SLC7A11: variants seen among roughly 807,000 people sequenced by gnomAD.
SLC7A11 encodes solute carrier family 7 member 11.
Under a neutral mutation model 54.5 loss-of-function variants are expected in SLC7A11, and 35 were observed. The observed-to-expected ratio is 0.64, with a 90% CI of 0.49 to 0.85. The LOEUF (loss-of-function observed/expected upper bound fraction) is 0.85, where lower values mean the gene tolerates loss of function less well. Among genes scored for constraint, SLC7A11 ranks in the 40% least tolerant of loss-of-function variants. The probability of loss-of-function intolerance (pLI) is 0.00; values close to 1 mark genes in which losing one functional copy is unlikely to be tolerated. For missense variants in SLC7A11, 583 were observed against 618.1 expected (o/e 0.94, Z 0.60); for synonymous variants, 230 against 225.2 (o/e 1.02, Z -0.19).
intron 6 of SLC7A11, among the ~76,000 whole-genome samples, chr4:138,202,687 G>A (rs552542385): frequency 2.0e-5 from 3 of 152,108 alleles, no homozygotes; most frequent in Non-Finnish European, 4.4e-5. Context: ...TAGAGTTGAA[G>A]GGAGACTCAG....
At position 138,171,981 on chromosome 4, in the gene SLC7A11, A is replaced by ACTT; in HGVS notation, c.1478_1480dup (p.Glu493dup). On this transcript the variant is annotated inframe_insertion, in exon 12 of 12. Coordinates refer to ENST00000280612, the MANE Select transcript of SLC7A11 (RefSeq NM_014331.4). Reference sequence around the variant, plus strand: ...TCATAACTTATCTTCTTCTGGTACAACTTCCAGTATTATTTGTAATGTTCT... The same window carrying ACTT: ...TCATAACTTATCTTCTTCTGGTACAACTTCTTCCAGTATTATTTGTAATGTTCT... 1 of 1,599,214 alleles carries ACTT rather than the reference A, an allele frequency of 6.3e-7. No homozygotes were observed. Among genetic ancestry groups the ACTT allele is most frequent in the South Asian group, 1.1e-5 (1 of 87,446 alleles).
chr4:138,206,280 C>G (rs1442331858), intron 6 of SLC7A11, among the ~76,000 whole-genome samples: 1 of 151,334 alleles, frequency 6.6e-6, no homozygotes, highest in Non-Finnish European at 1.5e-5. Context: ...CCCTCTCTCT[C>G]AGCTAAAGGG....
chr4:138,192,627 G>T (rs1029434048), intron 6 of SLC7A11, among the ~76,000 whole-genome samples: 1 of 151,838 alleles, frequency 6.6e-6, no homozygotes, highest in African/African-American at 2.4e-5. Flanking sequence ...ACTTAAAGTG[G>T]GTCCTCATTA....
chr4:138,177,466 CCTCTCTCT>C (rs375163048), intron 11 of SLC7A11: 1 of 146,206 alleles, frequency 6.8e-6, no homozygotes, highest in Non-Finnish European at 1.5e-5. Flanking sequence ...TCTCTCTTTC[CCTCTCTCT>C]CTCTCTCTCT....
At chr4:138,189,809 G>T (rs148168678) in intron 6 of SLC7A11, among the ~76,000 whole-genome samples, 2 of 151,988 alleles carry the variant, frequency 1.3e-5, no homozygotes, top group Non-Finnish European at 2.9e-5. Flanking sequence ...CATCATTTTC[G>T]CTAAAAGTGA....
At chr4:138,195,166 T>A (rs970436206) in intron 6 of SLC7A11, among the ~76,000 whole-genome samples, 36 of 152,178 alleles carry the variant, frequency 2.4e-4, no homozygotes, top group African/African-American at 8.0e-4. Flanking sequence ...GGATAAGTGA[T>A]CTGTTCACTC....
intron 6 of SLC7A11, among the ~76,000 whole-genome samples, chr4:138,203,159 TC>T (rs1737328067): frequency 6.6e-6 from 1 of 152,072 alleles, no homozygotes; most frequent in South Asian, 2.1e-4. Flanking sequence ...AAGGCATGCT[TC>T]CCTACATTTG....
rs1400378870 is a variant in SLC7A11, at chr4:138,183,265, A to C, written c.956T>G (p.Val319Gly). The C allele has an allele frequency of 6.2e-7, 1 of 1,612,136 alleles. No individual in the cohort carries two copies. Among genetic ancestry groups the C allele is most frequent in the East Asian group, 2.2e-5 (1 of 44,646 alleles). ...GCAGGAGAGGGCAACAAAGATCGGA[A>C]CTGCTAATGAGAAATTTCCCAGTAG... ...ERLLGNFSLAVPIFVALSCFG... is the reference protein window; with the variant it reads ...ERLLGNFSLAGPIFVALSCFG... Residue 319 changes from valine to glycine, a missense_variant, in exon 8 of 12, where the codon GTT becomes GGT. By Grantham distance (109) the Val-to-Gly change is moderately radical. Transcript: ENST00000280612.
At chr4:138,183,413 TTGTA>T (rs1454766430) in intron 7 of SLC7A11, 108 bp from the exon 8 acceptor site, 4 of 699,520 alleles carry the variant, frequency 5.7e-6, no homozygotes, top group African/African-American at 5.4e-5. Context: ...CTGGTGATAC[TTGTA>T]TGTTTTATAA....
At chr4:138,237,728 TATATA>T (rs1258073562) in intron 1 of SLC7A11, among the ~76,000 whole-genome samples, 8 of 11,494 alleles carry the variant, frequency 7.0e-4, no homozygotes, top group Admixed American at 1.4e-3. Context: ...TATATATATA[TATATA>T]TATATTTTTT....
intron 2 of SLC7A11, among the ~76,000 whole-genome samples, chr4:138,234,491 C>T (rs1186325853): frequency 1.3e-5 from 2 of 152,076 alleles, no homozygotes; most frequent in Non-Finnish European, 2.9e-5. Context: ...GATATATGAA[C>T]ATATTTTAAA....
chr4:138,202,718 C>A (rs756315079), intron 6 of SLC7A11, among the ~76,000 whole-genome samples: 4 of 152,078 alleles, frequency 2.6e-5, no homozygotes, highest in Non-Finnish European at 5.9e-5. Flanking sequence ...TCCACCATTT[C>A]TTTTTTGCAG....
rs187925265 is a variant in SLC7A11 at position 138,209,173 on chromosome 4, C to T, written c.791+5412G>A. ...ATTTTCACTAATCTAAATTAATTAT[C>T]ATCTTTCTATTAGGTCACAAATTTA... On this transcript the variant is annotated intron_variant, in intron 6 of 11. Transcript: ENST00000280612. 3.5e-3 allele frequency among the ~76,000 whole-genome samples: 534 copies of T among 151,970 alleles called. 4 individuals are homozygous for T. Among genetic ancestry groups the T allele is most frequent in the Admixed American group, 8.7e-3 (133 of 15,222 alleles).
chr4:138,198,448 G>A (rs1434357427), intron 6 of SLC7A11, among the ~76,000 whole-genome samples: 1 of 152,134 alleles, frequency 6.6e-6, no homozygotes, highest in Non-Finnish European at 1.5e-5. Flanking sequence ...TGCTAAAAAT[G>A]CTGGAAGTAT....
intron 6 of SLC7A11, among the ~76,000 whole-genome samples, chr4:138,186,452 T>A (rs1355191426): frequency 6.6e-6 from 1 of 152,154 alleles, no homozygotes; most frequent in Non-Finnish European, 1.5e-5. Context: ...GTTGAAAACA[T>A]GCTAGCCTAG....
At chr4:138,209,467 C>T (rs1054960363) in intron 6 of SLC7A11, among the ~76,000 whole-genome samples, 2 of 151,922 alleles carry the variant, frequency 1.3e-5, no homozygotes, top group South Asian at 4.1e-4. Context: ...CATAATTTTA[C>T]CATCTGTGTT....
Position 138,170,271 on chromosome 4 carries a change from T to TATATATACAC in SLC7A11, c.*1684_*1685insGTGTATATAT, listed in dbSNP as rs752680028. Reference sequence around the variant, plus strand: ...GTGTGTATATATATATATATATATATACACACACACACACACACACACATA... The same window carrying TATATATACAC: ...GTGTGTATATATATATATATATATATATATATACACACACACACACACACACACACACATA... On this transcript the variant is annotated 3_prime_UTR_variant, in exon 12 of 12. Coordinates refer to ENST00000280612, the MANE Select transcript of SLC7A11 (RefSeq NM_014331.4). The TATATATACAC allele has an allele frequency of 0.013, 1,130 of 86,050 alleles. 17 individuals carry two copies. The highest frequency in any genetic ancestry group is 0.016 in the Non-Finnish European group (723 of 44,190). The allele number at this position is 86,050 out of a possible 1,614,324, so 5.3% of individuals were successfully genotyped here.
chr4:138,200,205 AATG>A (rs1174242652), intron 6 of SLC7A11, among the ~76,000 whole-genome samples: 1 of 152,170 alleles, frequency 6.6e-6, no homozygotes, highest in African/African-American at 2.4e-5. Flanking sequence ...TGCCTCCACA[AATG>A]ATATTTAACC....
intron 9 of SLC7A11, 103 bp downstream of exon 9, chr4:138,182,194 A>C: frequency 1.4e-6 from 1 of 693,194 alleles, no homozygotes; most frequent in Non-Finnish European, 2.6e-6. Context: ...ATACATTAGC[A>C]ATGAATGAGA....
Sources: gnomAD v4.1 joint callset for allele counts (sites outside exome capture counted in the v4.1 genomes callset) on GRCh38, gnomAD v4.1.1 for gene constraint, MANE v1.5 for transcripts, NCBI Gene and HGNC (gene_info 2026-07-23, HGNC 2026-07-21) for gene names.